Variants in ZZEF1 observed in about 807,000 individuals in gnomAD.
The protein encoded by ZZEF1 is zinc finger ZZ-type and EF-hand domain containing 1, also known as zinc finger ZZ-type and EF-hand domain-containing protein 1.
Under a neutral mutation model 342.8 loss-of-function variants are expected in ZZEF1, and 157 were observed. The observed-to-expected ratio is 0.46, with a 90% CI of 0.40 to 0.52. The LOEUF (loss-of-function observed/expected upper bound fraction) is 0.52, where lower values mean the gene tolerates loss of function less well. Among genes scored for constraint, ZZEF1 ranks in the 20% least tolerant of loss-of-function variants. The pLI, the probability that ZZEF1 is intolerant of heterozygous loss-of-function variation, is 0.00. For synonymous variants in ZZEF1, 1,505 were observed against 1,429.1 expected (o/e 1.05, Z -1.20); for missense variants, 3,480 against 3,725.6 (o/e 0.93, Z 1.72).
intron 2 of ZZEF1, among the ~76,000 whole-genome samples, chr17:4,119,774 T>C (rs1360623381): frequency 6.6e-6 from 1 of 152,240 alleles, no homozygotes; most frequent in Non-Finnish European, 1.5e-5. Flanking sequence ...TTCATCACTT[T>C]GTCCAGCAAA....
chr17:4,042,952 G>C (rs576288310), intron 38 of ZZEF1, among the ~76,000 whole-genome samples: 16 of 152,202 alleles, frequency 1.1e-4, no homozygotes, highest in Non-Finnish European at 1.8e-4. Context: ...AAAGTGCTGG[G>C]ATTACAGGCC....
chr17:4,060,131 A>T (rs2057252824), intron 30 of ZZEF1, among the ~76,000 whole-genome samples: 1 of 152,202 alleles, frequency 6.6e-6, no homozygotes, highest in African/African-American at 2.4e-5. Flanking sequence ...CTATATCAAA[A>T]CAGCTGAATG....
chr17:4,017,370 C>A lies in ZZEF1; in HGVS notation c.8001+1G>T. On this transcript the variant is annotated splice_donor_variant, in intron 48 of 54. Transcript: ENST00000381638. LOFTEE classifies it high-confidence loss of function. This position sits in a 1 kb window ranked among gnomAD's most constrained non-coding sequence, Gnocchi z 5.1. ...AGCACAAGCTCAGTCTGCATAACTA[C>A]CTTCTCCCACTCATGCTTTTCTTCC... The A allele has an allele frequency of 6.3e-7, 1 of 1,587,768 alleles. No individual in the cohort carries two copies. The highest frequency in any genetic ancestry group is 8.6e-7 in the Non-Finnish European group (1 of 1,163,980).
At chr17:4,124,816 C>T (rs974811982) in intron 1 of ZZEF1, among the ~76,000 whole-genome samples, 4 of 152,106 alleles carry the variant, frequency 2.6e-5, no homozygotes, top group Admixed American at 6.6e-5. Flanking sequence ...TTTCACAGCC[C>T]TGTTTTCACT....
Position 4,102,397 on chromosome 17 carries a change from G to A in ZZEF1, c.1592C>T (p.Thr531Ile), listed in dbSNP as rs759779399. The A allele has an allele frequency of 5.0e-6, 8 of 1,613,584 alleles. No individual in the cohort carries two copies. The East Asian group carries it at 1.3e-4, about 27-fold the overall frequency. Residue 531 changes from threonine (T) to isoleucine (I), a missense_variant, in exon 9 of 55, where the codon ACT becomes ATT. Transcript: ENST00000381638. ...LLKYGKPLQLTLQACDVKGKE... is the reference protein window; with the variant it reads ...LLKYGKPLQLILQACDVKGKE... ...TCCTTTGACATCACATGCCTGAAGAGTCAACTGGAGAGGTTTACCTGACCA... is the reference window on the plus strand; with the variant it reads ...TCCTTTGACATCACATGCCTGAAGAATCAACTGGAGAGGTTTACCTGACCA...
chr17:4,086,314 C>T (rs1385875117), intron 15 of ZZEF1, among the ~76,000 whole-genome samples, 172 bp downstream of exon 15: 3 of 136,828 alleles, frequency 2.2e-5, no homozygotes, highest in East Asian at 4.1e-4. Flanking sequence ...ATTCCCACAG[C>T]GGCAATCCCT....
chr17:4,135,473 T>TAA (rs10715482), intron 1 of ZZEF1, among the ~76,000 whole-genome samples: 22,702 of 149,986 alleles, frequency 0.15, 1,877 homozygotes, highest in African/African-American at 0.22. Context: ...GACTCCATCT[T>TAA]AAAAAAAAAA....
At chr17:4,130,274 G>A (rs4790568) in intron 1 of ZZEF1, among the ~76,000 whole-genome samples, 115,664 of 151,992 alleles carry the variant, frequency 0.76, 46,316 homozygotes, top group East Asian at 1. Flanking sequence ...GCCAACATGC[G>A]AAACCACATC....
rs1445010004 is a variant in ZZEF1, at chr17:4,011,982, GAA to G, written c.8579+1465_8579+1466del. Among the ~76,000 whole-genome samples, 8 of 152,360 alleles carry G rather than the reference GAA, an allele frequency of 5.3e-5. No homozygotes were observed. The East Asian group carries it at 1.5e-3, about 29-fold the overall frequency. Reference sequence around the variant, plus strand: ...CTCTCACTCTATGAGGAGCACGCATGAAAGAGGCTAGGGTGGCAAGGCATGCT... The same window carrying G: ...CTCTCACTCTATGAGGAGCACGCATGAGAGGCTAGGGTGGCAAGGCATGCT... On this transcript the variant is annotated intron_variant, in intron 52 of 54. Coordinates refer to ENST00000381638, the MANE Select transcript of ZZEF1 (RefSeq NM_015113.4).
chr17:4,126,446 A>G (rs1055460895), intron 1 of ZZEF1, among the ~76,000 whole-genome samples: 1 of 152,192 alleles, frequency 6.6e-6, no homozygotes, highest in African/African-American at 2.4e-5. Flanking sequence ...GCACACAGAC[A>G]AAGAATACAA....
At chr17:4,096,337 G>C (rs568680895) in intron 10 of ZZEF1, among the ~76,000 whole-genome samples, 3 of 151,878 alleles carry the variant, frequency 2.0e-5, no homozygotes, top group Non-Finnish European at 2.9e-5. Flanking sequence ...CAATGACGTG[G>C]ACTTCTGAAA....
intron 39 of ZZEF1, among the ~76,000 whole-genome samples, chr17:4,041,749 G>A (rs1052739395): frequency 3.8e-4 from 57 of 151,930 alleles, no homozygotes; most frequent in Non-Finnish European, 5.9e-5. Context: ...AAAGAATAAC[G>A]AAGGCATACC....
chr17:4,135,707 T>C (rs560866180), intron 1 of ZZEF1, among the ~76,000 whole-genome samples: 1 of 152,284 alleles, frequency 6.6e-6, no homozygotes, highest in East Asian at 1.9e-4. Flanking sequence ...AACCTGCAGA[T>C]CACTGATAAC....
At chr17:4,026,701 G>C (rs2056413674) in intron 42 of ZZEF1, among the ~76,000 whole-genome samples, 1 of 151,842 alleles carries the variant, frequency 6.6e-6, no homozygotes, top group Admixed American at 6.6e-5. Flanking sequence ...TGTATTTTTA[G>C]TAGAGACGGG....
rs377603014 is a variant in ZZEF1, at chr17:4,006,211, AAAC to A, written c.*676_*678del. ...GTGAGGTGGAAACTGAAATATGTCA[AAAC>A]AACAACTGAGGAACTGCGGCTGTGC... On this transcript the variant is annotated 3_prime_UTR_variant, in exon 55 of 55. Transcript: ENST00000381638. 3.0e-4 allele frequency: 47 copies of A among 154,740 alleles called. 1 individual carries two copies. The East Asian group carries it at 5.6e-3, about 18-fold the overall frequency. 9.6% of individuals were successfully genotyped at this position (154,740 alleles called of 1,614,324 possible).
chr17:4,121,252 A>G (rs2058477625), intron 2 of ZZEF1, among the ~76,000 whole-genome samples: 1 of 152,232 alleles, frequency 6.6e-6, no homozygotes, highest in African/African-American at 2.4e-5. Context: ...GAGGTGTCCA[A>G]ATAAAGCTCC....
chr17:4,050,576 G>A (rs1417957450), intron 36 of ZZEF1, among the ~76,000 whole-genome samples: 1 of 152,178 alleles, frequency 6.6e-6, no homozygotes. Flanking sequence ...TAGTTTCAGA[G>A]AAATTAAATG....
intron 2 of ZZEF1, among the ~76,000 whole-genome samples, chr17:4,117,652 A>G (rs1419025813): frequency 2.0e-5 from 3 of 148,592 alleles, no homozygotes; most frequent in East Asian, 3.9e-4. Flanking sequence ...CCACCTCAAA[A>G]AAAAAAAAAA....
Position 4,085,762 on chromosome 17 carries a change from G to A in ZZEF1, c.2554C>T (p.Leu852=). ...VDGDSVPMEI[L]KQEVRNTLLN... ...AGGGTATTCCTGACTTCTTGTTTTA[G>A]TATCTCCATGGGCACAGAGTCTCCA... The change falls in exon 16 of 55, where the codon CTA becomes TTA. Residue 852 remains leucine, a synonymous_variant. Transcript: ENST00000381638. 6.2e-7 allele frequency: 1 copy of A among 1,614,136 alleles called. No homozygotes were observed. Among genetic ancestry groups the A allele is most frequent in the East Asian group, 2.2e-5 (1 of 44,880 alleles).
Sources: allele counts gnomAD v4.1 joint callset (sites outside exome capture counted in the v4.1 genomes callset), GRCh38; gene constraint gnomAD v4.1.1; non-coding constraint Gnocchi (gnomAD v3.1); transcripts MANE v1.5; gene names NCBI Gene and HGNC (gene_info 2026-07-23, HGNC 2026-07-21).